Variants in CD44 observed in about 807,000 individuals in gnomAD.
CD44 encodes the protein CD44 molecule (IN blood group).
A neutral mutation model predicts 88.8 loss-of-function variants in CD44; 49 were observed. That is an observed-to-expected ratio of 0.55 (90% CI 0.44 to 0.70). The LOEUF (loss-of-function observed/expected upper bound fraction) is 0.70, where lower values mean the gene tolerates loss of function less well. Ranked by LOEUF, CD44 falls within the 30% of genes least tolerant of loss-of-function variation. CD44 has a pLI of 0.00. For synonymous variants in CD44, 325 were observed against 312.3 expected, an observed-to-expected ratio of 1.04 and a Z score of -0.43; for missense variants, 883 against 913.8, an observed-to-expected ratio of 0.97 and a Z score of 0.43.
At chr11:35,202,460 A>G (rs577459892) in intron 9 of CD44, among the ~76,000 whole-genome samples, 87 of 152,216 alleles carry the variant, frequency 5.7e-4, no homozygotes, top group Non-Finnish European at 1.1e-3. Flanking sequence ...CTCCCCAAAC[A>G]TAAGAAGTAT....
chr11:35,221,836 G>A (rs1322419159), intron 17 of CD44, 104 bp downstream of exon 17: 2 of 1,032,412 alleles, frequency 1.9e-6, no homozygotes, highest in East Asian at 4.8e-5. Context: ...CAGCAGCCTG[G>A]GTACCCTGGG....
chr11:35,201,241 GC>G, intron 8 of CD44, 46 bp downstream of exon 8: 1 of 1,292,374 alleles, frequency 7.7e-7, no homozygotes, highest in Non-Finnish European at 1.1e-6. Flanking sequence ...TCCCCTCAAA[GC>G]CCATGATGCT....
At chr11:35,213,019 T>G (rs1015442243) in intron 14 of CD44, among the ~76,000 whole-genome samples, 1 of 151,988 alleles carries the variant, frequency 6.6e-6, no homozygotes, top group African/African-American at 2.4e-5. Context: ...AAATGGGGTT[T>G]CACCATGTTG....
intron 16 of CD44, among the ~76,000 whole-genome samples, chr11:35,220,278 A>T (rs1347173129): frequency 6.6e-6 from 1 of 152,178 alleles, no homozygotes; most frequent in Non-Finnish European, 1.5e-5. Flanking sequence ...TCCCAGCTCC[A>T]GTGACAGTGC....
At chr11:35,149,867 C>A (rs2133136132) in intron 1 of CD44, among the ~76,000 whole-genome samples, 1 of 152,338 alleles carries the variant, frequency 6.6e-6, no homozygotes, top group South Asian at 2.1e-4. Flanking sequence ...CACTCTAACT[C>A]CAATGGGCAA....
chr11:35,172,626 T>G (rs569051352), intron 1 of CD44, among the ~76,000 whole-genome samples: 2 of 152,212 alleles, frequency 1.3e-5, no homozygotes, highest in African/African-American at 4.8e-5. Context: ...AAGCTGCTGA[T>G]TTCTTTGGGA....
At chr11:35,144,204 G>T (rs1342798505) in intron 1 of CD44, among the ~76,000 whole-genome samples, 3 of 152,224 alleles carry the variant, frequency 2.0e-5, no homozygotes, top group African/African-American at 7.2e-5. Context: ...CTGCCTCCTG[G>T]CTGGGGCTGG....
intron 3 of CD44, among the ~76,000 whole-genome samples, chr11:35,181,887 T>C (rs1490458714): frequency 2.6e-5 from 1 of 38,568 alleles, no homozygotes; most frequent in African/African-American, 1.4e-4. Context: ...TATATAATTC[T>C]ATATATAATA....
Position 35,150,633 on chromosome 11 carries a change from C to A in CD44, c.67+11263C>A, listed in dbSNP as rs548828533. On this transcript the variant is annotated intron_variant, in intron 1 of 17. Transcript: ENST00000428726. ...TTATACCCATCTGGAATCCACTGAC[C>A]ATTAGCTGAAATAAAATCCCAGATG... Among the ~76,000 whole-genome samples, 5 of 152,326 alleles carry A rather than the reference C, an allele frequency of 3.3e-5. 1 individual carries two copies. In the South Asian group the frequency reaches 8.3e-4, roughly 25 times the overall value.
chr11:35,220,376 C>T (rs893851693), intron 16 of CD44, among the ~76,000 whole-genome samples: 4 of 152,162 alleles, frequency 2.6e-5, no homozygotes, highest in African/African-American at 9.7e-5. Flanking sequence ...TGTCAGTCTC[C>T]CCCACTTCTG....
At chr11:35,217,267 CT>C (rs5791042) in intron 15 of CD44, among the ~76,000 whole-genome samples, 11,224 of 128,946 alleles carry the variant, frequency 0.087, 432 homozygotes, top group Middle Eastern at 0.097. Flanking sequence ...AGCACTTCTT[CT>C]TTTTTTTTTT....
intron 5 of CD44, among the ~76,000 whole-genome samples, chr11:35,192,155 T>C (rs1946329843): frequency 6.6e-6 from 1 of 152,228 alleles, no homozygotes. Flanking sequence ...GATAAATTAG[T>C]TAAGTTTCCT....
chr11:35,161,099 A>C (rs532834159), intron 1 of CD44, among the ~76,000 whole-genome samples: 1 of 152,230 alleles, frequency 6.6e-6, no homozygotes, highest in Non-Finnish European at 1.5e-5. Context: ...TAAAGAATTA[A>C]GTTAGAGTAA....
At position 35,139,211 on chromosome 11, in the gene CD44, C is replaced by A. The variant is rs1308350514; in HGVS notation, c.-93C>A. ...ACCCCAGCCTCTGCCAGGTTCGGTC[C>A]GCCATCCTCGTCCCGTCCTCCGCCG... On this transcript the variant is annotated 5_prime_UTR_variant, in exon 1 of 18. Coordinates refer to ENST00000428726, the MANE Select transcript of CD44 (RefSeq NM_000610.4). 13 of 989,412 alleles carry A rather than the reference C, an allele frequency of 1.3e-5. No individual in the cohort carries two copies. The highest frequency in any genetic ancestry group is 2.8e-5 in the South Asian group (2 of 70,608). 61.3% of individuals were successfully genotyped at this position (989,412 alleles called of 1,614,324 possible). A position where few individuals can be genotyped will look rare whatever the true frequency, so the allele number is the denominator to read the frequency against.
intron 1 of CD44, among the ~76,000 whole-genome samples, chr11:35,163,485 G>A (rs1942895782): frequency 6.6e-6 from 1 of 152,144 alleles, no homozygotes; most frequent in South Asian, 2.1e-4. Flanking sequence ...GAACCAGATG[G>A]CATCTGTCCT....
chr11:35,156,445 C>T (rs1476008885), intron 1 of CD44, among the ~76,000 whole-genome samples: 3 of 152,214 alleles, frequency 2.0e-5, no homozygotes, highest in Non-Finnish European at 2.9e-5. Context: ...CGGTTCTTTT[C>T]AGTATCTAAT....
At chr11:35,222,216 G>A (rs1421586371) in intron 17 of CD44, among the ~76,000 whole-genome samples, 3 of 152,084 alleles carry the variant, frequency 2.0e-5, no homozygotes, top group Non-Finnish European at 2.9e-5. Context: ...ATCATCCCCT[G>A]TAGCCTCTCT....
chr11:35,226,686 C>A (rs925028155), intron 17 of CD44, among the ~76,000 whole-genome samples: 4 of 151,936 alleles, frequency 2.6e-5, no homozygotes, highest in South Asian at 4.2e-4. Context: ...AGAATAATAA[C>A]AATAGACTCA....
chr11:35,191,198 G>A (rs1310513789), intron 5 of CD44, among the ~76,000 whole-genome samples: 1 of 152,046 alleles, frequency 6.6e-6, no homozygotes, highest in East Asian at 1.9e-4. Context: ...CTCAAGACAG[G>A]GCCCTTCTCT....
Sources: gnomAD v4.1 joint callset for allele counts (sites outside exome capture counted in the v4.1 genomes callset) on GRCh38, gnomAD v4.1.1 for gene constraint, MANE v1.5 for transcripts, NCBI Gene and HGNC (gene_info 2026-07-23, HGNC 2026-07-21) for gene names.